Variants in DAW1 observed in about 807,000 individuals in gnomAD.
DAW1 encodes dynein assembly factor with WD repeats 1, also known as dynein assembly factor with WD repeat domains 1.
Under a neutral mutation model 56.5 loss-of-function variants are expected in DAW1, and 47 were observed. That is an observed-to-expected ratio of 0.83 (90% CI 0.66 to 1.06). The LOEUF (loss-of-function observed/expected upper bound fraction) is 1.06. DAW1 is among the 50% of genes least tolerant of loss of function. The pLI is 0.00. For synonymous variants in DAW1, 190 were observed against 179.0 expected (o/e 1.06, Z -0.49); for missense variants, 505 against 499.3 (o/e 1.01, Z -0.11).
intron 5 of DAW1, chr2:227,895,589 A>C (rs1193544574): frequency 6.6e-6 from 1 of 152,316 alleles, no homozygotes; most frequent in Non-Finnish European, 1.5e-5. Flanking sequence ...AAGAGACCTC[A>C]GCAGCTCAGT....
chr2:227,912,344 T>A (rs1284592357), intron 10 of DAW1: 7 of 1,304,346 alleles, frequency 5.4e-6, no homozygotes, highest in Non-Finnish European at 7.1e-6. Flanking sequence ...GCGATTCTCC[T>A]GCCTCAGCCG....
intron 10 of DAW1, among the ~76,000 whole-genome samples, chr2:227,918,179 C>CCATCCATCCAT: frequency 1.3e-5 from 1 of 76,868 alleles, no homozygotes; most frequent in African/African-American, 3.7e-5. Context: ...CATCATCCAT[C>CCATCCATCCAT]CATCCATCCA....
intron 7 of DAW1, among the ~76,000 whole-genome samples, chr2:227,904,052 A>G (rs543863422): frequency 6.6e-6 from 1 of 152,068 alleles, no homozygotes; most frequent in South Asian, 2.1e-4. Flanking sequence ...GTCCCCATTA[A>G]TGCCACACTT....
At chr2:227,917,777 T>C (rs1415317582) in intron 10 of DAW1, among the ~76,000 whole-genome samples, 1 of 152,204 alleles carries the variant, frequency 6.6e-6, no homozygotes, top group Non-Finnish European at 1.5e-5. Flanking sequence ...TCAAGTTATA[T>C]ATTTTTTAAT....
At chr2:227,907,431 C>T (rs1691712758) in intron 10 of DAW1, among the ~76,000 whole-genome samples, 179 bp downstream of exon 10, 1 of 152,104 alleles carries the variant, frequency 6.6e-6, no homozygotes, top group African/African-American at 2.4e-5. Context: ...ACCTGATAAC[C>T]ACATGTAATG....
In DAW1 at chr2:227,898,628, A is replaced by T. The variant is rs1262868195; in HGVS notation, c.540+347A>T. Among the ~76,000 whole-genome samples, 6 of 152,174 alleles carry T rather than the reference A, an allele frequency of 3.9e-5. No homozygotes were observed. The East Asian group carries it at 1.2e-3, about 29-fold the overall frequency. ...ACCCACTGCACCTGGCCTTATTATT[A>T]TATTTTATGTTGCTGTTTCTTTTTA... is the stretch of plus-strand genomic sequence containing the variant. On this transcript the variant is annotated intron_variant, in intron 6 of 12. Transcript: ENST00000309931.
intron 5 of DAW1, among the ~76,000 whole-genome samples, chr2:227,897,832 A>G (rs1000161202): frequency 2.6e-5 from 4 of 152,162 alleles, no homozygotes; most frequent in Non-Finnish European, 5.9e-5. Context: ...ACTTATTAAC[A>G]TAATTTTTCT....
intron 10 of DAW1, among the ~76,000 whole-genome samples, chr2:227,907,745 T>C (rs1180580761): frequency 2.0e-5 from 3 of 152,136 alleles, no homozygotes; most frequent in African/African-American, 7.2e-5. Flanking sequence ...ACGGGGTTTC[T>C]CCATGTTGGC....
At chr2:227,915,743 A>G (rs1336089573) in intron 10 of DAW1, among the ~76,000 whole-genome samples, 3 of 152,146 alleles carry the variant, frequency 2.0e-5, no homozygotes, top group African/African-American at 7.2e-5. Context: ...GTGCTAAAAT[A>G]TAATTGTCTC....
At chr2:227,916,801 G>A (rs370939552) in intron 10 of DAW1, among the ~76,000 whole-genome samples, 12 of 152,168 alleles carry the variant, frequency 7.9e-5, no homozygotes, top group East Asian at 7.7e-4. Context: ...CTATGTCTGC[G>A]TTATCTCCTT....
At chr2:227,897,799 T>G (rs1238016702) in intron 5 of DAW1, among the ~76,000 whole-genome samples, 1 of 152,200 alleles carries the variant, frequency 6.6e-6, no homozygotes, top group African/African-American at 2.4e-5. Context: ...CTCTTTTATA[T>G]TCAATGTTAT....
chr2:227,885,648 T>C, intron 2 of DAW1, among the ~76,000 whole-genome samples: 1 of 107,556 alleles, frequency 9.3e-6, no homozygotes, highest in South Asian at 3.2e-4. Context: ...TTTTCTAAGG[T>C]CTTAAAAAAA....
At chr2:227,907,485 G>C (rs1487782498) in intron 10 of DAW1, among the ~76,000 whole-genome samples, 1 of 152,088 alleles carries the variant, frequency 6.6e-6, no homozygotes, top group Non-Finnish European at 1.5e-5. Context: ...AGGTATATGA[G>C]GTCTTTGTCA....
At chr2:227,905,127 C>G (rs1321220580) in intron 8 of DAW1, 92 bp downstream of exon 8, 2 of 957,618 alleles carry the variant, frequency 2.1e-6, no homozygotes, top group Non-Finnish European at 3.1e-6. Context: ...TATCTATTAA[C>G]TCTGCTTTGG....
intron 2 of DAW1, 103 bp from the exon 3 acceptor site, chr2:227,889,753 A>G: frequency 3.0e-6 from 3 of 997,702 alleles, no homozygotes; most frequent in Non-Finnish European, 4.1e-6. Flanking sequence ...TTGACATTTT[A>G]TAAATGTGCT....
intron 10 of DAW1, among the ~76,000 whole-genome samples, chr2:227,909,262 A>ATCTGTCTGTCTGTCTG (rs1182910941): frequency 5.0e-5 from 7 of 139,690 alleles, no homozygotes; most frequent in African/African-American, 1.8e-4. Context: ...CTATCTATCT[A>ATCTGTCTGTCTGTCTG]TCTATCTATC....
intron 7 of DAW1, 147 bp from the exon 8 acceptor site, chr2:227,904,782 C>A: frequency 1.7e-6 from 1 of 591,452 alleles, no homozygotes; most frequent in Non-Finnish European, 2.9e-6. Context: ...CACGTGCAGA[C>A]ACTCCCCATC....
intron 1 of DAW1, among the ~76,000 whole-genome samples, chr2:227,873,810 A>G (rs1690811286): frequency 6.6e-6 from 1 of 152,166 alleles, no homozygotes; most frequent in African/African-American, 2.4e-5. Context: ...CCTCCCAGGT[A>G]GCTGGAATCA....
rs1490537587 is a variant in DAW1 at position 227,906,274 on chromosome 2, G to A, written c.794G>A (p.Ser265Asn). 1 of 1,613,546 alleles carries A rather than the reference G, an allele frequency of 6.2e-7. No homozygotes were observed. The part of the protein sequence containing the change: ...NILIGHCAEI[S>N]SASFNWDCSL... ...TTAATTGGTCATTGTGCTGAGATTAGCAGTGCCTCATTCAATTGGGATTGC... is the reference window on the plus strand; with the variant it reads ...TTAATTGGTCATTGTGCTGAGATTAACAGTGCCTCATTCAATTGGGATTGC... The change falls in exon 9 of 13, where the codon AGC (serine) becomes AAC (asparagine). Residue 265 changes from serine to asparagine, a missense_variant. By Grantham distance (46) the Ser-to-Asn change is conservative. Transcript: ENST00000309931.
Sources: allele counts gnomAD v4.1 joint callset (sites outside exome capture counted in the v4.1 genomes callset), GRCh38; gene constraint gnomAD v4.1.1; transcripts MANE v1.5; gene names NCBI Gene and HGNC (gene_info 2026-07-23, HGNC 2026-07-21).